Variants in TMEM41B observed in about 807,000 individuals in gnomAD.
TMEM41B encodes the protein protein stasimon.
In TMEM41B, 18 loss-of-function variants were observed where a neutral mutation model predicts 31.9. The observed-to-expected ratio is 0.56, with a 90% CI of 0.39 to 0.84. TMEM41B has a LOEUF of 0.84. Among genes scored for constraint, TMEM41B ranks in the 40% least tolerant of loss-of-function variants. The probability of loss-of-function intolerance (pLI) is 0.00; values close to 1 mark genes in which losing one functional copy is unlikely to be tolerated. For synonymous variants in TMEM41B, 144 were observed against 124.3 expected, an observed-to-expected ratio of 1.16 and a Z score of -1.05; for missense variants, 322 against 348.0, an observed-to-expected ratio of 0.93 and a Z score of 0.59.
In TMEM41B at chr11:9,283,610, A is replaced by G. The variant is rs762569383; in HGVS notation, c.707-17T>C. The stretch of plus-strand genomic sequence containing the variant: ...GTGCGACACCTGAAATAAAATATAA[A>G]AAGATACAGTAAAAACCACCGCAAT... On this transcript the variant is annotated splice_polypyrimidine_tract_variant and intron_variant, in intron 6 of 6. Coordinates refer to ENST00000528080, the MANE Select transcript of TMEM41B (RefSeq NM_015012.4). 77 of 1,592,264 alleles carry G rather than the reference A, an allele frequency of 4.8e-5. No individual in the cohort carries two copies. Among genetic ancestry groups the G allele is most frequent in the Non-Finnish European group, 6.5e-5 (76 of 1,173,582 alleles).
chr11:9,297,554 T>G (rs529980114), intron 2 of TMEM41B, among the ~76,000 whole-genome samples: 1 of 152,116 alleles, frequency 6.6e-6, no homozygotes, highest in Admixed American at 6.5e-5. Context: ...TAGCTGGGCA[T>G]GGTGGCATAC....
Position 9,299,719 on chromosome 11 carries a change from G to GATTTA in TMEM41B, c.122-19_122-18insTAAAT. The GATTTA allele has an allele frequency of 6.7e-7, 1 of 1,497,226 alleles. No homozygotes were observed. The highest frequency in any genetic ancestry group is 9.2e-7 in the Non-Finnish European group (1 of 1,084,896). The allele number at this position is 1,497,226 out of a possible 1,614,324, so 92.7% of individuals were successfully genotyped here. A position where few individuals can be genotyped will look rare whatever the true frequency, so the allele number is the denominator to read the frequency against. ...GGATTTTTCTGGAAGAAAAAAGAAA[G>GATTTA]TATAATTAAGATAAATATAAAGGAA... On this transcript the variant is annotated intron_variant, in intron 1 of 6. Coordinates refer to ENST00000528080, the MANE Select transcript of TMEM41B (RefSeq NM_015012.4).
intron 2 of TMEM41B, among the ~76,000 whole-genome samples, chr11:9,296,837 T>C (rs1484489844): frequency 6.6e-6 from 1 of 152,212 alleles, no homozygotes; most frequent in Non-Finnish European, 1.5e-5. Flanking sequence ...TTTGGCACTT[T>C]GTTTGGAACT....
At position 9,282,980 on chromosome 11, in the gene TMEM41B, CTCTTTT is replaced by C. The variant is rs1852756024; in HGVS notation, c.*438_*443del. The C allele has an allele frequency of 1.3e-5, 2 of 148,260 alleles. No individual in the cohort carries two copies. The highest frequency in any genetic ancestry group is 4.9e-5 in the African/African-American group (2 of 40,516). 9.2% of individuals were successfully genotyped at this position (148,260 alleles called of 1,614,324 possible). On this transcript the variant is annotated 3_prime_UTR_variant, in exon 7 of 7. Transcript: ENST00000528080. ...AAAAAAAGAGGAAGAAAATGTAAAT[CTCTTTT>C]TAAGTTTTCCAGTTTATGCTCTGAA... is the stretch of plus-strand genomic sequence containing the variant.
rs774871685 is a variant in TMEM41B at position 9,283,380 on chromosome 11, C to T, written c.*44G>A. The T allele has an allele frequency of 6.7e-7, 1 of 1,489,194 alleles. No homozygotes were observed. Among genetic ancestry groups the T allele is most frequent in the Admixed American group, 2.0e-5 (1 of 50,592 alleles). 92.2% of individuals were successfully genotyped at this position (1,489,194 alleles called of 1,614,324 possible). A position where few individuals can be genotyped will look rare whatever the true frequency, so the allele number is the denominator to read the frequency against. The stretch of plus-strand genomic sequence containing the variant: ...ACATAAATGGATGCACCTGTTAATC[C>T]TGAGATGGTGATGACAGCAAAACTA... On this transcript the variant is annotated 3_prime_UTR_variant, in exon 7 of 7. Transcript: ENST00000528080.
chr11:9,313,889 G>A (rs564993075), intron 1 of TMEM41B, among the ~76,000 whole-genome samples: 1 of 152,150 alleles, frequency 6.6e-6, no homozygotes, highest in African/African-American at 2.4e-5. Flanking sequence ...CCACCTGGAA[G>A]TATTAAGTCC....
In TMEM41B at chr11:9,283,174, TATA is replaced by T. The variant is rs1852760524; in HGVS notation, c.*247_*249del. ...TACTATTATCTACAGCTACCCTTGG[TATA>T]ATAATTTATAAGATGTCTAAGATGT... On this transcript the variant is annotated 3_prime_UTR_variant, in exon 7 of 7. Coordinates refer to ENST00000528080, the MANE Select transcript of TMEM41B (RefSeq NM_015012.4). 3.4e-6 allele frequency: 1 copy of T among 295,886 alleles called. No homozygotes were observed. Among genetic ancestry groups the T allele is most frequent in the East Asian group, 6.9e-5 (1 of 14,512 alleles). 18.3% of individuals were successfully genotyped at this position (295,886 alleles called of 1,614,324 possible).
chr11:9,306,244 G>C (rs1853391890), intron 1 of TMEM41B, among the ~76,000 whole-genome samples: 1 of 151,662 alleles, frequency 6.6e-6, no homozygotes, highest in Non-Finnish European at 1.5e-5. Context: ...CTCCCAAAGT[G>C]CTAGGATTAC....
chr11:9,298,799 G>T (rs10840202), intron 2 of TMEM41B, among the ~76,000 whole-genome samples: 23,168 of 151,334 alleles, frequency 0.15, 2,609 homozygotes, highest in African/African-American at 0.31. Context: ...AATTGTGAAG[G>T]AAGGCAATTT....
At chr11:9,312,281 G>T (rs748293926) in intron 1 of TMEM41B, among the ~76,000 whole-genome samples, 1 of 152,224 alleles carries the variant, frequency 6.6e-6, no homozygotes, top group African/African-American at 2.4e-5. Flanking sequence ...CATTTGGGGA[G>T]GCCAAGGCAG....
At chr11:9,312,649 T>C (rs1853588197) in intron 1 of TMEM41B, among the ~76,000 whole-genome samples, 1 of 152,182 alleles carries the variant, frequency 6.6e-6, no homozygotes, top group South Asian at 2.1e-4. Flanking sequence ...CTCACGCCTG[T>C]AATCCCAGCA....
chr11:9,299,484 A>G (rs1412989160), intron 2 of TMEM41B, 100 bp downstream of exon 2: 33 of 808,502 alleles, frequency 4.1e-5, no homozygotes, highest in Non-Finnish European at 6.0e-5. Context: ...CGGCCTCCCA[A>G]AGTGTTGAGA....
intron 1 of TMEM41B, among the ~76,000 whole-genome samples, chr11:9,309,738 T>A (rs537594155): frequency 6.6e-6 from 1 of 151,060 alleles, no homozygotes; most frequent in East Asian, 2.0e-4. Flanking sequence ...CTGGCTAACA[T>A]GGTGAAACCC....
At chr11:9,298,568 C>T (rs1853158033) in intron 2 of TMEM41B, among the ~76,000 whole-genome samples, 1 of 151,928 alleles carries the variant, frequency 6.6e-6, no homozygotes, top group Non-Finnish European at 1.5e-5. Context: ...AGTTTGGGAC[C>T]AGCCTGGCCA....
intron 1 of TMEM41B, among the ~76,000 whole-genome samples, chr11:9,306,436 A>C (rs1415431418): frequency 6.6e-6 from 1 of 151,996 alleles, no homozygotes; most frequent in Non-Finnish European, 1.5e-5. Flanking sequence ...TAATCCCAGC[A>C]CTTTGGGAGG....
chr11:9,283,633 A>T, intron 6 of TMEM41B, 40 bp from the exon 7 acceptor site: 1 of 1,530,636 alleles, frequency 6.5e-7, no homozygotes, highest in Non-Finnish European at 8.8e-7. Context: ...AAACCACCGC[A>T]ATTGTTTTTA....
intron 6 of TMEM41B, 92 bp downstream of exon 6, chr11:9,286,363 T>A: frequency 7.6e-7 from 1 of 1,309,266 alleles, no homozygotes; most frequent in Admixed American, 2.5e-5. Context: ...GCTGGCATAA[T>A]CTGCAGAGAG....
chr11:9,290,708 T>C (rs1043004427), intron 3 of TMEM41B, among the ~76,000 whole-genome samples: 1 of 152,182 alleles, frequency 6.6e-6, no homozygotes, highest in Non-Finnish European at 1.5e-5. Flanking sequence ...AACTGTATTT[T>C]TTCCTTTCCC....
chr11:9,294,318 A>C (rs953244785), intron 3 of TMEM41B, among the ~76,000 whole-genome samples: 9 of 151,844 alleles, frequency 5.9e-5, no homozygotes, highest in Admixed American at 5.3e-4. Context: ...AACATGGTGA[A>C]ACTCCGTCTC....
Sources: allele counts gnomAD v4.1 joint callset (sites outside exome capture counted in the v4.1 genomes callset), GRCh38; gene constraint gnomAD v4.1.1; transcripts MANE v1.5; gene names NCBI Gene and HGNC (gene_info 2026-07-23, HGNC 2026-07-21).